DHX33: variants seen among roughly 807,000 people sequenced by gnomAD.
The protein encoded by DHX33 is ATP-dependent RNA helicase DHX33.
Under a neutral mutation model 72.5 loss-of-function variants are expected in DHX33, and 42 were observed. The observed-to-expected ratio is 0.58, with a 90% CI of 0.45 to 0.75. The LOEUF (loss-of-function observed/expected upper bound fraction) is 0.75, where lower values mean the gene tolerates loss of function less well. DHX33 is among the 30% of genes least tolerant of loss of function. DHX33 has a pLI of 0.00. For synonymous variants in DHX33, 358 were observed against 366.1 expected (o/e 0.98, Z 0.25); for missense variants, 842 against 917.5 (o/e 0.92, Z 1.06).
At chr17:5,461,888 C>T (rs1904642443) in intron 3 of DHX33, among the ~76,000 whole-genome samples, 1 of 150,684 alleles carries the variant, frequency 6.6e-6, no homozygotes, top group South Asian at 2.1e-4. Context: ...CTGCCAACTC[C>T]CTGAAATACA....
chr17:5,461,409 G>A (rs1904610819), intron 3 of DHX33: 1 of 174,180 alleles, frequency 5.7e-6, no homozygotes, highest in Non-Finnish European at 1.2e-5. Flanking sequence ...CACGAGGTCA[G>A]GAGATCGAGG....
At chr17:5,453,516 A>C in intron 8 of DHX33, 64 bp downstream of exon 8, 3 of 1,294,208 alleles carry the variant, frequency 2.3e-6, no homozygotes, top group Middle Eastern at 1.8e-4. Flanking sequence ...ATTTTTTTGG[A>C]AGTGTCCATT....
intron 8 of DHX33, among the ~76,000 whole-genome samples, chr17:5,452,958 A>C (rs1917015094): frequency 6.6e-6 from 1 of 152,214 alleles, no homozygotes; most frequent in South Asian, 2.1e-4. Flanking sequence ...CAATAAAAAG[A>C]AAAGGAAAAT....
At chr17:5,455,918 T>A in intron 5 of DHX33, 79 bp downstream of exon 5, 1 of 1,452,546 alleles carries the variant, frequency 6.9e-7, no homozygotes, top group East Asian at 2.5e-5. Flanking sequence ...ATCTGGAGCC[T>A]GGTAACAGGT....
At chr17:5,457,239 C>T (rs1013976184) in intron 4 of DHX33, among the ~76,000 whole-genome samples, 6 of 152,040 alleles carry the variant, frequency 3.9e-5, no homozygotes, top group Non-Finnish European at 5.9e-5. Flanking sequence ...ACATGGGAGG[C>T]GGAGGTTGCA....
At chr17:5,458,126 C>T (rs1347441845) in intron 4 of DHX33, among the ~76,000 whole-genome samples, 3 of 152,034 alleles carry the variant, frequency 2.0e-5, no homozygotes, top group South Asian at 2.1e-4. Context: ...CTACCCAGGA[C>T]GGCCAGGAGA....
In DHX33 at chr17:5,453,652, C is replaced by T. The variant is rs1440436363; in HGVS notation, c.1324G>A (p.Val442Met). The change falls in exon 8 of 12, where the codon GTG becomes ATG. Residue 442 changes from valine (V) to methionine (M), a missense_variant. Physicochemically the swap from Val to Met is conservative, Grantham distance 21. Coordinates refer to ENST00000225296, the MANE Select transcript of DHX33 (RefSeq NM_020162.4). The part of the protein sequence containing the change: ...PEIQRCNLAS[V>M]MLQLLAMKVP... ...TTCATTGCTAGAAGCTGAAGCATCA[C>T]ACTGGCCAGGTTACACCTGTGAAGA... is the stretch of plus-strand genomic sequence containing the variant. The T allele has an allele frequency of 4.3e-6, 7 of 1,614,208 alleles. No individual in the cohort carries two copies. The African/African-American group carries it at 5.3e-5, about 12-fold the overall frequency.
Position 5,455,877 on chromosome 17 carries a change from T to C in DHX33, c.1035+120A>G. The stretch of plus-strand genomic sequence containing the variant: ...CCTGCACCTCCTCAGTGCGCTGATC[T>C]GGCACCTGGGTATCCCATCCCATAC... On this transcript the variant is annotated intron_variant, in intron 5 of 11. Transcript: ENST00000225296. 4 of 1,101,790 alleles carry C rather than the reference T, an allele frequency of 3.6e-6. No homozygotes were observed. The South Asian group carries it at 6.3e-5, about 17-fold the overall frequency. The allele number at this position is 1,101,790 out of a possible 1,614,324, so 68.3% of individuals were successfully genotyped here.
rs115807765 is a variant in DHX33 at position 5,467,880 on chromosome 17, A to C, written c.289+691T>G. On this transcript the variant is annotated intron_variant, in intron 1 of 11. Coordinates refer to ENST00000225296, the MANE Select transcript of DHX33 (RefSeq NM_020162.4). ...TTTAACTAAAGAAAAGCTGTCTTTA[A>C]CTGCCAGCCGCGTTTCGTGTTTCTT... Among the ~76,000 whole-genome samples, 473 of 152,242 alleles carry C rather than the reference A, an allele frequency of 3.1e-3. 7 individuals are homozygous for C. Among genetic ancestry groups the C allele is most frequent in the African/African-American group, 0.011 (446 of 41,530 alleles).
intron 9 of DHX33, 78 bp from the exon 10 acceptor site, chr17:5,450,484 T>A: frequency 6.7e-7 from 1 of 1,487,944 alleles, no homozygotes; most frequent in Non-Finnish European, 9.3e-7. Context: ...ACATTGCTTT[T>A]GCAGTTTCCC....
At position 5,468,622 on chromosome 17, in the gene DHX33, G is replaced by A. The variant is rs1182836820; in HGVS notation, c.238C>T (p.Arg80Trp). Reference sequence around the variant, plus strand: ...CGGAGCTGGGCCAACAGTTGCCCCCGCGCTTGGAAGATGGGCAGACTCCGG... The same window carrying A: ...CGGAGCTGGGCCAACAGTTGCCCCCACGCTTGGAAGATGGGCAGACTCCGG... The part of the protein sequence containing the change: ...QRRSLPIFQA[R>W]GQLLAQLRNL... The change falls in exon 1 of 12, where the codon CGG becomes TGG. Residue 80 changes from arginine to tryptophan, a missense_variant. Coordinates refer to ENST00000225296, the MANE Select transcript of DHX33 (RefSeq NM_020162.4). The A allele has an allele frequency of 5.6e-6, 9 of 1,610,926 alleles. No individual in the cohort carries two copies. The highest frequency in any genetic ancestry group is 6.8e-6 in the Non-Finnish European group (8 of 1,179,246).
intron 2 of DHX33, among the ~76,000 whole-genome samples, chr17:5,462,797 G>A (rs551122638): frequency 6.6e-6 from 1 of 152,106 alleles, no homozygotes; most frequent in South Asian, 2.1e-4. Flanking sequence ...AGTTTCATGT[G>A]GGCCGGGTGT....
At chr17:5,466,818 G>T (rs1904891028) in intron 1 of DHX33, among the ~76,000 whole-genome samples, 1 of 152,134 alleles carries the variant, frequency 6.6e-6, no homozygotes, top group Non-Finnish European at 1.5e-5. Flanking sequence ...TTAAAATCCC[G>T]AACTTACCAA....
intron 4 of DHX33, among the ~76,000 whole-genome samples, chr17:5,456,989 A>G (rs550200749): frequency 6.6e-6 from 1 of 152,350 alleles, no homozygotes; most frequent in African/African-American, 2.4e-5. Context: ...TGTGAATGAC[A>G]TACCTAATGC....
In DHX33 at chr17:5,468,909, C is replaced by T; in HGVS notation, c.-50G>A. ...GCGCAAGCGCCGAGAGCTCCTGCCCCCTCTCAGGTGCAGACAACAGGAGCA... is the reference window on the plus strand; with the variant it reads ...GCGCAAGCGCCGAGAGCTCCTGCCCTCTCTCAGGTGCAGACAACAGGAGCA... On this transcript the variant is annotated 5_prime_UTR_variant, in exon 1 of 12. Coordinates refer to ENST00000225296, the MANE Select transcript of DHX33 (RefSeq NM_020162.4). 6.5e-7 allele frequency: 1 copy of T among 1,545,380 alleles called. No homozygotes were observed. The highest frequency in any genetic ancestry group is 2.5e-5 in the East Asian group (1 of 40,798).
At chr17:5,450,503 A>G in intron 9 of DHX33, 97 bp from the exon 10 acceptor site, 1 of 1,284,508 alleles carries the variant, frequency 7.8e-7, no homozygotes, top group Non-Finnish European at 1.1e-6. Context: ...CCTTCTAAGG[A>G]GTTAAAGGGC....
intron 11 of DHX33, among the ~76,000 whole-genome samples, chr17:5,446,989 T>A (rs1916681592): frequency 6.6e-6 from 1 of 152,216 alleles, no homozygotes; most frequent in African/African-American, 2.4e-5. Context: ...CAGGCCTGGG[T>A]ACAGGCTGTG....
chr17:5,446,911 CAG>C (rs1414831612), intron 11 of DHX33, among the ~76,000 whole-genome samples: 1 of 152,186 alleles, frequency 6.6e-6, no homozygotes, highest in African/African-American at 2.4e-5. Context: ...GTGTGAAAGA[CAG>C]AATACAATAG....
At position 5,463,706 on chromosome 17, in the gene DHX33, A is replaced by G. The variant is rs780830978; in HGVS notation, c.290-17T>C. 16 of 1,038,254 alleles carry G rather than the reference A, an allele frequency of 1.5e-5. 1 individual carries two copies. The highest frequency in any genetic ancestry group is 1.0e-4 in the African/African-American group (3 of 29,406). 64.3% of individuals were successfully genotyped at this position (1,038,254 alleles called of 1,614,324 possible). A position where few individuals can be genotyped will look rare whatever the true frequency, so the allele number is the denominator to read the frequency against. On this transcript the variant is annotated splice_polypyrimidine_tract_variant and intron_variant, in intron 1 of 11. Coordinates refer to ENST00000225296, the MANE Select transcript of DHX33 (RefSeq NM_020162.4). ...CAGTTTCCCCTAGGAGAGAGGGGGA[A>G]AAAAAAAAAAGGCTCACTGAAATGC...
Sources: gnomAD v4.1 joint callset for allele counts (sites outside exome capture counted in the v4.1 genomes callset) on GRCh38, gnomAD v4.1.1 for gene constraint, MANE v1.5 for transcripts, NCBI Gene and HGNC (gene_info 2026-07-23, HGNC 2026-07-21) for gene names.